SV2B: variants seen among roughly 807,000 people sequenced by gnomAD.
SV2B encodes synaptic vesicle glycoprotein 2B.
A neutral mutation model predicts 73.9 loss-of-function variants in SV2B; 41 were observed. The observed-to-expected ratio is 0.56, with a 90% confidence interval of 0.43 to 0.72. SV2B has a LOEUF of 0.72. Ranked by LOEUF, SV2B falls within the 30% of genes least tolerant of loss-of-function variation. The pLI is 0.00. For synonymous variants in SV2B, 314 were observed against 314.2 expected (o/e 1.00, Z 0.01); for missense variants, 764 against 857.8 (o/e 0.89, Z 1.37).
chr15:91,194,947 C>A (rs2045190208), intron 1 of SV2B, among the ~76,000 whole-genome samples: 1 of 151,974 alleles, frequency 6.6e-6, no homozygotes. Context: ...ATTTCCTCGG[C>A]CATGATGACT....
rs1596715566 is a variant in SV2B, at chr15:91,258,839, A to T, written c.918+285A>T. On this transcript the variant is annotated intron_variant, in intron 5 of 12. Transcript: ENST00000394232. This position sits in a 1 kb window ranked among gnomAD's most constrained non-coding sequence, Gnocchi z 4.7. ...TGCAGTGGTGGAAGGGCAGCTCCTG[A>T]GCTGCCTCATGGCACCCACTGTCCC... Among the ~76,000 whole-genome samples, 1 of 150,730 alleles carries T rather than the reference A, an allele frequency of 6.6e-6. No homozygotes were observed. Among genetic ancestry groups the T allele is most frequent in the South Asian group, 2.1e-4 (1 of 4,778 alleles).
At chr15:91,180,423 G>C (rs1348272111) in intron 1 of SV2B, among the ~76,000 whole-genome samples, 1 of 151,842 alleles carries the variant, frequency 6.6e-6, no homozygotes, top group East Asian at 1.9e-4. Flanking sequence ...TGTATTTCCT[G>C]AATCTGAATG....
chr15:91,263,270 A>T (rs2047982615), intron 6 of SV2B, among the ~76,000 whole-genome samples: 2 of 152,026 alleles, frequency 1.3e-5, no homozygotes. Context: ...GGACACAGAC[A>T]CATGGACACA....
At chr15:91,125,497 C>A (rs895961810) in intron 1 of SV2B, among the ~76,000 whole-genome samples, 1 of 152,054 alleles carries the variant, frequency 6.6e-6, no homozygotes, top group Non-Finnish European at 1.5e-5. Flanking sequence ...TTTGGCCAGG[C>A]GCAGTGGCTC....
At chr15:91,183,366 G>A (rs1016789021) in intron 1 of SV2B, among the ~76,000 whole-genome samples, 4 of 152,178 alleles carry the variant, frequency 2.6e-5, no homozygotes, top group African/African-American at 9.7e-5. Flanking sequence ...CAAAATGATT[G>A]ACCAATTGAC....
chr15:91,301,981 C>T lies in SV2B; in HGVS notation c.*9429C>T, dbSNP rs2049457914. Among the ~76,000 whole-genome samples the T allele has an allele frequency of 6.6e-6, 1 of 152,148 alleles. No individual in the cohort carries two copies. The highest frequency in any genetic ancestry group is 2.4e-5 in the African/African-American group (1 of 41,416). On this transcript the variant is annotated 3_prime_UTR_variant, in exon 13 of 13. Transcript: ENST00000394232. The surrounding 1 kb of genome is among the most constrained non-coding windows in gnomAD (Gnocchi z 4.3). ...CTGGCATATAGTATGGTATAATCAC[C>T]CCACCAAACCTCTTCCAAAAGAAGC...
chr15:91,150,037 C>T (rs967598710), intron 1 of SV2B, among the ~76,000 whole-genome samples: 1 of 152,126 alleles, frequency 6.6e-6, no homozygotes, highest in Non-Finnish European at 1.5e-5. Context: ...CAGAGTCTCA[C>T]TCTGTCACCC....
In SV2B at chr15:91,266,129, G is replaced by A. The variant is rs181024922; in HGVS notation, c.1009-453G>A. Among the ~76,000 whole-genome samples, 232 of 152,284 alleles carry A rather than the reference G, an allele frequency of 1.5e-3. 3 individuals are homozygous for A. Among genetic ancestry groups the A allele is most frequent in the African/African-American group, 4.3e-3 (180 of 41,564 alleles). ...CTGCACTCCAGCCTGGCAACAGAGC[G>A]AGACTGTGTCTCAAAAAACAAAACC... On this transcript the variant is annotated intron_variant, in intron 6 of 12. Transcript: ENST00000394232.
At position 91,258,603 on chromosome 15, in the gene SV2B, G is replaced by A. The variant is rs2141642999; in HGVS notation, c.918+49G>A. 6.2e-7 allele frequency: 1 copy of A among 1,609,886 alleles called. No individual in the cohort carries two copies. The highest frequency in any genetic ancestry group is 8.5e-7 in the Non-Finnish European group (1 of 1,177,978). On this transcript the variant is annotated intron_variant, in intron 5 of 12. Transcript: ENST00000394232. This position sits in a 1 kb window ranked among gnomAD's most constrained non-coding sequence, Gnocchi z 4.7. The stretch of plus-strand genomic sequence containing the variant: ...GGGGAGAGTGACAAAACAGCCACAG[G>A]AACCCAGCCTCGCTTCCTTCTCTCA...
chr15:91,266,540 A>G (rs373470000), intron 6 of SV2B, 42 bp from the exon 7 acceptor site: 10 of 1,476,442 alleles, frequency 6.8e-6, no homozygotes, highest in Non-Finnish European at 8.5e-6. Flanking sequence ...CTCTGACACA[A>G]AGTGGGGTTC....
chr15:91,183,706 G>C (rs979568834), intron 1 of SV2B, among the ~76,000 whole-genome samples: 3 of 152,102 alleles, frequency 2.0e-5, no homozygotes, highest in Non-Finnish European at 1.5e-5. Flanking sequence ...AGATGACAAA[G>C]GAAATAAAAA....
intron 1 of SV2B, among the ~76,000 whole-genome samples, chr15:91,175,820 A>G (rs1267145497): frequency 6.6e-6 from 1 of 151,594 alleles, no homozygotes; most frequent in Non-Finnish European, 1.5e-5. Context: ...GTTTGAAGAG[A>G]CCAGATGCCG....
intron 1 of SV2B, among the ~76,000 whole-genome samples, chr15:91,104,912 G>A (rs1385179957): frequency 2.0e-5 from 3 of 152,134 alleles, no homozygotes; most frequent in South Asian, 2.1e-4. Flanking sequence ...GATTACAGGC[G>A]TGAGCCACCG....
In SV2B at chr15:91,253,154, A is replaced by T. The variant is rs1310250349; in HGVS notation, c.784+634A>T. The stretch of plus-strand genomic sequence containing the variant: ...CAGAGACCTGGCAACATCAACTTTT[A>T]CTACTGGTTTCGTCAAGAGCAAAGT... On this transcript the variant is annotated intron_variant, in intron 4 of 12. Coordinates refer to ENST00000394232, the MANE Select transcript of SV2B (RefSeq NM_001323032.3). The surrounding 1 kb of genome is among the most constrained non-coding windows in gnomAD (Gnocchi z 5.0). Among the ~76,000 whole-genome samples the T allele has an allele frequency of 6.6e-6, 1 of 152,180 alleles. No homozygotes were observed. The highest frequency in any genetic ancestry group is 1.5e-5 in the Non-Finnish European group (1 of 68,030).
In SV2B at chr15:91,124,746, T is replaced by G. The variant is rs1230864217; in HGVS notation, c.-392+24383T>G. ...TTGGCTCACTGCAACCTCCACCTCCTGGGTTCAAGCGATTCTTGAGCCTCA... is the reference window on the plus strand; with the variant it reads ...TTGGCTCACTGCAACCTCCACCTCCGGGGTTCAAGCGATTCTTGAGCCTCA... On this transcript the variant is annotated intron_variant, in intron 1 of 12. Coordinates refer to ENST00000394232, the MANE Select transcript of SV2B (RefSeq NM_001323032.3). The surrounding 1 kb of genome is among the most constrained non-coding windows in gnomAD (Gnocchi z 4.6). Among the ~76,000 whole-genome samples the G allele has an allele frequency of 6.6e-6, 1 of 152,082 alleles. No homozygotes were observed. The highest frequency in any genetic ancestry group is 1.5e-5 in the Non-Finnish European group (1 of 68,022).
chr15:91,230,568 T>C (rs2046537708), intron 2 of SV2B, among the ~76,000 whole-genome samples: 1 of 152,196 alleles, frequency 6.6e-6, no homozygotes, highest in South Asian at 2.1e-4. Context: ...ACTGTCTCAC[T>C]TGGGGAAGAA....
In SV2B at chr15:91,290,178, A is replaced by G. The variant is rs924291750; in HGVS notation, c.1868+498A>G. 1.3e-5 allele frequency among the ~76,000 whole-genome samples: 2 copies of G among 152,198 alleles called. No individual in the cohort carries two copies. The highest frequency in any genetic ancestry group is 4.8e-5 in the African/African-American group (2 of 41,450). Reference sequence around the variant, plus strand: ...ATGGGAAGAGGCCTTGTTTAAAGGCATAGGATCAAGGCCATTACTTAGTAA... The same window carrying G: ...ATGGGAAGAGGCCTTGTTTAAAGGCGTAGGATCAAGGCCATTACTTAGTAA... On this transcript the variant is annotated intron_variant, in intron 12 of 12. Coordinates refer to ENST00000394232, the MANE Select transcript of SV2B (RefSeq NM_001323032.3). This position sits in a 1 kb window ranked among gnomAD's most constrained non-coding sequence, Gnocchi z 4.7.
At chr15:91,225,612 C>A (rs1470693197) in intron 1 of SV2B, among the ~76,000 whole-genome samples, 1 of 152,030 alleles carries the variant, frequency 6.6e-6, no homozygotes, top group African/African-American at 2.4e-5. Flanking sequence ...TATACATGTG[C>A]CATGCTGGTT....
intron 1 of SV2B, among the ~76,000 whole-genome samples, chr15:91,189,715 G>A (rs945438914): frequency 6.6e-6 from 1 of 152,298 alleles, no homozygotes; most frequent in Admixed American, 6.5e-5. Context: ...CCAGCCGGGC[G>A]CGGTGGCTCA....
Sources: gnomAD v4.1 joint callset for allele counts (sites outside exome capture counted in the v4.1 genomes callset) on GRCh38, gnomAD v4.1.1 for gene constraint, Gnocchi (gnomAD v3.1) non-coding constraint, MANE v1.5 for transcripts, NCBI Gene and HGNC (gene_info 2026-07-23, HGNC 2026-07-21) for gene names.